MAP2K4: variants seen among roughly 807,000 people sequenced by gnomAD.
MAP2K4 encodes dual specificity mitogen-activated protein kinase kinase 4.
In MAP2K4, 4 loss-of-function variants were observed where a neutral mutation model predicts 48.5. That is an observed-to-expected ratio of 0.08 (90% CI 0.04 to 0.19). The LOEUF (loss-of-function observed/expected upper bound fraction) is 0.19, where lower values mean the gene tolerates loss of function less well. Among genes scored for constraint, MAP2K4 ranks in the 10% least tolerant of loss-of-function variants. The pLI is 1.00. For synonymous variants in MAP2K4, 166 were observed against 173.1 expected, an observed-to-expected ratio of 0.96 and a Z score of 0.32; for missense variants, 258 against 493.3, an observed-to-expected ratio of 0.52 and a Z score of 4.52.
intron 8 of MAP2K4, 26 bp downstream of exon 8, chr17:12,125,397 C>A (rs1334488221): frequency 4.4e-6 from 7 of 1,580,830 alleles, no homozygotes; most frequent in Admixed American, 1.7e-5. Context: ...TTCAACCTTG[C>A]CACAGTAGCG....
intron 9 of MAP2K4, among the ~76,000 whole-genome samples, chr17:12,132,538 T>C (rs1419937688): frequency 6.6e-6 from 1 of 152,080 alleles, no homozygotes; most frequent in African/African-American, 2.4e-5. Flanking sequence ...AGTCAGAATA[T>C]TGTTACTTTT....
chr17:12,115,962 T>C, intron 7 of MAP2K4: 2 of 426,422 alleles, frequency 4.7e-6, no homozygotes, highest in Non-Finnish European at 8.9e-6. Flanking sequence ...GTGAACTCTT[T>C]TCTCGTTCTT....
At position 12,143,217 on chromosome 17, in the gene MAP2K4, C is replaced by G. The variant is rs374613560; in HGVS notation, c.*1957C>G. On this transcript the variant is annotated 3_prime_UTR_variant, in exon 11 of 11. Coordinates refer to ENST00000353533, the MANE Select transcript of MAP2K4 (RefSeq NM_003010.4). The stretch of plus-strand genomic sequence containing the variant: ...GAATCTGTTTCTCTGCTGTCAACTT[C>G]CCATCTGGCTCAGCATAGGGTCACT... 8.6e-6 allele frequency: 2 copies of G among 233,022 alleles called. No individual in the cohort carries two copies. Among genetic ancestry groups the G allele is most frequent in the Non-Finnish European group, 1.7e-5 (2 of 117,728 alleles). The allele number at this position is 233,022 out of a possible 1,614,324, so 14.4% of individuals were successfully genotyped here.
Position 12,081,372 on chromosome 17 carries a change from C to A in MAP2K4, c.235C>A (p.His79Asn). The A allele has an allele frequency of 6.2e-7, 1 of 1,611,562 alleles. No homozygotes were observed. Among genetic ancestry groups the A allele is most frequent in the Non-Finnish European group, 8.5e-7 (1 of 1,179,364 alleles). ...QNPHIERLRT[H>N]SIESSGKLKI... Reference sequence around the variant, plus strand: ...TTTTAACAGAGAGAGACTGAGAACACACAGCATTGAGTCATCAGGAAAACT... The same window carrying A: ...TTTTAACAGAGAGAGACTGAGAACAAACAGCATTGAGTCATCAGGAAAACT... Residue 79 changes from histidine to asparagine, a missense_variant, in exon 3 of 11, where the codon CAC becomes AAC. Transcript: ENST00000353533. The surrounding 1 kb of genome is among the most constrained non-coding windows in gnomAD (Gnocchi z 4.2).
intron 9 of MAP2K4, among the ~76,000 whole-genome samples, chr17:12,134,543 T>C (rs2151594574): frequency 6.6e-6 from 1 of 152,208 alleles, no homozygotes; most frequent in East Asian, 1.9e-4. Flanking sequence ...ATGAGGTAAA[T>C]GGTAAGAGAG....
At chr17:12,056,940 A>G (rs1418482053) in intron 2 of MAP2K4, among the ~76,000 whole-genome samples, 1 of 152,150 alleles carries the variant, frequency 6.6e-6, no homozygotes, top group Non-Finnish European at 1.5e-5. Context: ...TTGAACTTTA[A>G]TAATTACAGA....
At chr17:12,111,606 G>T (rs538200146) in intron 6 of MAP2K4, among the ~76,000 whole-genome samples, 1 of 151,902 alleles carries the variant, frequency 6.6e-6, no homozygotes, top group African/African-American at 2.4e-5. Context: ...ACTGCCTGGG[G>T]AGTAGTTGAA....
chr17:12,129,508 C>T (rs1020198982), intron 9 of MAP2K4, among the ~76,000 whole-genome samples: 2 of 152,194 alleles, frequency 1.3e-5, no homozygotes, highest in Admixed American at 1.3e-4. Flanking sequence ...TGGTGAAAAA[C>T]AGCCATGAGT....
At chr17:12,065,446 A>G (rs533812542) in intron 2 of MAP2K4, among the ~76,000 whole-genome samples, 35 of 151,406 alleles carry the variant, frequency 2.3e-4, no homozygotes, top group African/African-American at 8.5e-4. Flanking sequence ...TTACAGGCCT[A>G]CACCACCATG....
In MAP2K4 at chr17:12,062,035, G is replaced by A. The variant is rs28918116; in HGVS notation, c.218+7044G>A. 1.6e-3 allele frequency among the ~76,000 whole-genome samples: 241 copies of A among 151,384 alleles called. 4 individuals carry two copies. The East Asian group carries it at 0.041, about 26-fold the overall frequency. On this transcript the variant is annotated intron_variant, in intron 2 of 10. Coordinates refer to ENST00000353533, the MANE Select transcript of MAP2K4 (RefSeq NM_003010.4). ...TCTCTCAACATAGTTAAATACATCA[G>A]TTGGTCACTCAGTTCTCCCCCTCTC...
chr17:12,050,578 A>G lies in MAP2K4; in HGVS notation c.116-4311A>G, dbSNP rs144390226. The stretch of plus-strand genomic sequence containing the variant: ...TGGTAACCTAGATTGCAGAGATTCC[A>G]TAGATTTTGTATTGAGTAGTGGACT... On this transcript the variant is annotated intron_variant, in intron 1 of 10. Transcript: ENST00000353533. Among the ~76,000 whole-genome samples, 6 of 152,236 alleles carry G rather than the reference A, an allele frequency of 3.9e-5. No individual in the cohort carries two copies. In the East Asian group the frequency reaches 9.6e-4, roughly 24 times the overall value.
chr17:12,104,044 G>C (rs1597470726), intron 4 of MAP2K4, among the ~76,000 whole-genome samples: 1 of 152,122 alleles, frequency 6.6e-6, no homozygotes, highest in East Asian at 1.9e-4. Flanking sequence ...TGGAAATACA[G>C]TTACTAAATT....
chr17:12,094,860 A>G (rs913853706), intron 3 of MAP2K4, among the ~76,000 whole-genome samples: 1 of 152,218 alleles, frequency 6.6e-6, no homozygotes, highest in Non-Finnish European at 1.5e-5. Flanking sequence ...GGAATAGACA[A>G]AAAGAGCCCT....
chr17:12,105,059 A>G (rs968227417), intron 4 of MAP2K4, among the ~76,000 whole-genome samples: 1 of 152,016 alleles, frequency 6.6e-6, no homozygotes, highest in African/African-American at 2.4e-5. Context: ...GAACTTTTGC[A>G]TCTGTTTCTT....
intron 1 of MAP2K4, among the ~76,000 whole-genome samples, chr17:12,047,996 CT>C (rs1158300602): frequency 6.6e-6 from 1 of 152,098 alleles, no homozygotes. Context: ...AAAGAATTTT[CT>C]TTCCTATTCC....
intron 1 of MAP2K4, among the ~76,000 whole-genome samples, chr17:12,042,043 T>C (rs964007018): frequency 6.6e-6 from 1 of 151,702 alleles, no homozygotes; most frequent in African/African-American, 2.4e-5. Flanking sequence ...TAGCCGGGTG[T>C]GGTGGCAAGC....
At chr17:12,137,196 A>G (rs967718294) in intron 9 of MAP2K4, among the ~76,000 whole-genome samples, 2 of 152,234 alleles carry the variant, frequency 1.3e-5, no homozygotes, top group African/African-American at 4.8e-5. Context: ...CATATGTTGA[A>G]CAAATGAATG....
chr17:12,060,748 C>CGTGT (rs1567638900), intron 2 of MAP2K4, among the ~76,000 whole-genome samples: 2 of 150,350 alleles, frequency 1.3e-5, no homozygotes, highest in African/African-American at 2.5e-5. Context: ...TGTGTGTGTG[C>CGTGT]GCGCGTGTGT....
intron 1 of MAP2K4, among the ~76,000 whole-genome samples, chr17:12,043,568 C>A (rs1969864208): frequency 6.6e-6 from 1 of 152,120 alleles, no homozygotes; most frequent in Non-Finnish European, 1.5e-5. Context: ...AACTTGACCA[C>A]AACCCCCATC....
Sources: allele counts gnomAD v4.1 joint callset (sites outside exome capture counted in the v4.1 genomes callset), GRCh38; gene constraint gnomAD v4.1.1; non-coding constraint Gnocchi (gnomAD v3.1); transcripts MANE v1.5; gene names NCBI Gene and HGNC (gene_info 2026-07-23, HGNC 2026-07-21).